NAV2: variants seen among roughly 807,000 people sequenced by gnomAD.
The protein encoded by NAV2 is helicase, APC down-regulated 1.
NAV2 carries 54 observed loss-of-function variants against 223.2 expected under a neutral mutation model. The observed-to-expected ratio is 0.24, with a 90% CI of 0.19 to 0.30. The LOEUF (loss-of-function observed/expected upper bound fraction) is 0.30, where lower values mean the gene tolerates loss of function less well. NAV2 is among the 10% of genes least tolerant of loss of function. NAV2 has a pLI of 1.00. For synonymous variants in NAV2, 1,279 were observed against 1,239.3 expected (o/e 1.03, Z -0.67); for missense variants, 2,806 against 3,147.5 (o/e 0.89, Z 2.60).
intron 5 of NAV2, among the ~76,000 whole-genome samples, chr11:19,886,828 T>A (rs915430345): frequency 4.6e-5 from 7 of 152,196 alleles, no homozygotes; most frequent in African/African-American, 1.7e-4. Context: ...ACAGTGCTTC[T>A]GGGTTTACCC....
chr11:19,727,547 C>A (rs1229681494), intron 1 of NAV2, among the ~76,000 whole-genome samples: 2 of 152,224 alleles, frequency 1.3e-5, no homozygotes, highest in Non-Finnish European at 2.9e-5. Context: ...TCTCAATGGG[C>A]AGGTGCTGTG....
chr11:19,763,375 C>T (rs2054927728), intron 1 of NAV2, among the ~76,000 whole-genome samples: 1 of 152,176 alleles, frequency 6.6e-6, no homozygotes, highest in Admixed American at 6.5e-5. Context: ...CTGTTCTTGC[C>T]TTCGACTATC....
intron 1 of NAV2, among the ~76,000 whole-genome samples, chr11:19,524,096 C>G (rs1262575081): frequency 1.3e-5 from 2 of 152,212 alleles, no homozygotes; most frequent in African/African-American, 2.4e-5. Flanking sequence ...TTGTTCACCT[C>G]TCTATCTCCC....
rs554794010 is a variant in NAV2, at chr11:19,391,532, G to A, written c.75+40505G>A. ...AATAATGTCCCCTTACATTGGAGGA[G>A]GATGTTGAAGTGGGCAAGACGTTCA... On this transcript the variant is annotated intron_variant, in intron 1 of 37. Transcript: ENST00000360655. Among the ~76,000 whole-genome samples the A allele has an allele frequency of 7.9e-5, 12 of 152,338 alleles. No individual in the cohort carries two copies. In the South Asian group the frequency reaches 2.5e-3, roughly 32 times the overall value.
intron 1 of NAV2, among the ~76,000 whole-genome samples, chr11:19,426,443 C>T (rs1251786058): frequency 1.3e-5 from 2 of 152,146 alleles, no homozygotes; most frequent in African/African-American, 4.8e-5. Context: ...CAGGGATGCT[C>T]CTTGGTTACA....
intron 26 of NAV2, 36 bp downstream of exon 26, chr11:20,083,215 C>A: frequency 6.4e-7 from 1 of 1,554,370 alleles, no homozygotes; most frequent in Non-Finnish European, 8.8e-7. Flanking sequence ...ACATCTTTGG[C>A]CCCTGAGAAC....
intron 1 of NAV2, among the ~76,000 whole-genome samples, chr11:19,451,843 A>C (rs952501948): frequency 2.6e-5 from 4 of 152,212 alleles, no homozygotes; most frequent in African/African-American, 9.6e-5. Context: ...TGGAAATAGA[A>C]GCTGGCTGGA....
Position 19,826,376 on chromosome 11 carries a change from C to T in NAV2, c.268-6108C>T, listed in dbSNP as rs373114134. Among the ~76,000 whole-genome samples, 17 of 152,166 alleles carry T rather than the reference C, an allele frequency of 1.1e-4. 1 individual carries two copies. Among genetic ancestry groups the T allele is most frequent in the East Asian group, 7.7e-4 (4 of 5,194 alleles). On this transcript the variant is annotated intron_variant, in intron 1 of 37. Transcript: ENST00000349880. ...AGACAGGAAGCCTGCTTGCTTTAAG[C>T]CCTTACTCAAAATCTTGAGCCCTTA...
chr11:19,402,771 T>C (rs564069495), intron 1 of NAV2, among the ~76,000 whole-genome samples: 1 of 152,360 alleles, frequency 6.6e-6, no homozygotes, highest in South Asian at 2.1e-4. Context: ...CATTGCTCAC[T>C]GTAGTTACCT....
intron 1 of NAV2, among the ~76,000 whole-genome samples, chr11:19,682,944 G>A (rs2048918852): frequency 6.6e-6 from 1 of 152,300 alleles, no homozygotes; most frequent in South Asian, 2.1e-4. Flanking sequence ...GTGAGGTTCA[G>A]AGAAGTGAAG....
At chr11:19,862,431 C>T (rs138375186) in intron 3 of NAV2, among the ~76,000 whole-genome samples, 2 of 152,192 alleles carry the variant, frequency 1.3e-5, no homozygotes, top group Non-Finnish European at 2.9e-5. Flanking sequence ...CTTGAGCCGG[C>T]TTGCTGTAAA....
chr11:20,050,996 C>G (rs1175025594), intron 16 of NAV2, among the ~76,000 whole-genome samples: 1 of 152,164 alleles, frequency 6.6e-6, no homozygotes, highest in Non-Finnish European at 1.5e-5. Flanking sequence ...TGGAGCAACC[C>G]CTGAATTTTG....
intron 1 of NAV2, among the ~76,000 whole-genome samples, chr11:19,403,602 T>C (rs1849773869): frequency 6.6e-6 from 1 of 152,238 alleles, no homozygotes; most frequent in Non-Finnish European, 1.5e-5. Flanking sequence ...ATTTAATTCA[T>C]TCTATCAATG....
chr11:19,975,234 A>G (rs1435083343), intron 10 of NAV2, among the ~76,000 whole-genome samples: 1 of 152,180 alleles, frequency 6.6e-6, no homozygotes, highest in Non-Finnish European at 1.5e-5. Flanking sequence ...GGAACTGTCA[A>G]TTTTCGAACG....
chr11:20,090,636 C>T (rs1014482513), intron 26 of NAV2, among the ~76,000 whole-genome samples: 2 of 152,008 alleles, frequency 1.3e-5, no homozygotes, highest in East Asian at 1.9e-4. Context: ...ACTATATTAA[C>T]GATTTTAAAC....
At chr11:19,954,426 G>A (rs1226522456) in intron 10 of NAV2, among the ~76,000 whole-genome samples, 1 of 152,102 alleles carries the variant, frequency 6.6e-6, no homozygotes. Flanking sequence ...TCATCCCTCA[G>A]TATCCATGAG....
chr11:19,630,071 T>G (rs111446012), intron 1 of NAV2, among the ~76,000 whole-genome samples: 1,767 of 152,284 alleles, frequency 0.012, 37 homozygotes, highest in African/African-American at 0.041. Flanking sequence ...CCCCCAACTC[T>G]GTGGTGAACT....
chr11:19,521,772 T>A (rs932171603), intron 1 of NAV2, among the ~76,000 whole-genome samples: 1 of 152,202 alleles, frequency 6.6e-6, no homozygotes, highest in South Asian at 2.1e-4. Flanking sequence ...TCAGAGGGAA[T>A]AAGTAACGTG....
At chr11:20,017,331 C>T (rs959078063) in intron 11 of NAV2, among the ~76,000 whole-genome samples, 5 of 152,208 alleles carry the variant, frequency 3.3e-5, no homozygotes, top group Non-Finnish European at 7.3e-5. Context: ...GGTCTCTGCA[C>T]TTGATGCGTC....
Sources: gnomAD v4.1 joint callset for allele counts (sites outside exome capture counted in the v4.1 genomes callset) on GRCh38, gnomAD v4.1.1 for gene constraint, MANE v1.5 for transcripts, NCBI Gene and HGNC (gene_info 2026-07-23, HGNC 2026-07-21) for gene names.